Variants in SGCZ observed in about 807,000 individuals in gnomAD.
SGCZ encodes zeta-sarcoglycan.
Under a neutral mutation model 41.3 loss-of-function variants are expected in SGCZ, and 40 were observed. The observed-to-expected ratio is 0.97, with a 90% confidence interval of 0.75 to 1.26. The LOEUF is 1.26. Ranked by LOEUF, SGCZ falls within the 50% of genes most tolerant of loss-of-function variation. The pLI is 0.00. For missense variants in SGCZ, 552 were observed against 369.8 expected (o/e 1.49, Z -4.04); for synonymous variants, 206 against 137.5 (o/e 1.50, Z -3.49).
chr8:15,197,921 C>T (rs188853562), intron 1 of SGCZ, among the ~76,000 whole-genome samples: 2 of 150,608 alleles, frequency 1.3e-5, no homozygotes, highest in East Asian at 3.9e-4. Context: ...TATATAGATA[C>T]ACATACACCC....
chr8:14,257,754 T>C (rs1013443994), intron 3 of SGCZ, among the ~76,000 whole-genome samples: 2 of 152,016 alleles, frequency 1.3e-5, no homozygotes, highest in Non-Finnish European at 2.9e-5. Flanking sequence ...GTCCTTGCGA[T>C]AGTTTGCTGA....
chr8:14,709,684 A>C (rs964535801), intron 1 of SGCZ, among the ~76,000 whole-genome samples: 7 of 144,696 alleles, frequency 4.8e-5, no homozygotes, highest in African/African-American at 1.7e-4. Context: ...TTGCAAAATG[A>C]AAAAAAAAAG....
chr8:14,925,398 C>T (rs114139741), intron 1 of SGCZ, among the ~76,000 whole-genome samples: 2,220 of 152,180 alleles, frequency 0.015, 55 homozygotes, highest in African/African-American at 0.05. Flanking sequence ...AAGGAAAGGA[C>T]AATTGCATGC....
chr8:15,201,739 G>A (rs976088889), intron 1 of SGCZ, among the ~76,000 whole-genome samples: 1 of 152,092 alleles, frequency 6.6e-6, no homozygotes, highest in Non-Finnish European at 1.5e-5. Context: ...CATAGAAACT[G>A]AACCTACCCC....
At chr8:14,879,494 T>C (rs1247150794) in intron 1 of SGCZ, among the ~76,000 whole-genome samples, 2 of 152,052 alleles carry the variant, frequency 1.3e-5, no homozygotes, top group Non-Finnish European at 2.9e-5. Flanking sequence ...TCTTGGGAAG[T>C]ATCTCCTGAT....
At chr8:14,529,677 C>T (rs1259871252) in intron 2 of SGCZ, among the ~76,000 whole-genome samples, 5 of 152,050 alleles carry the variant, frequency 3.3e-5, no homozygotes, top group African/African-American at 4.8e-5. Flanking sequence ...ATCAGTGTTT[C>T]ATGAGATCTG....
intron 1 of SGCZ, among the ~76,000 whole-genome samples, chr8:15,111,909 A>C (rs1192841462): frequency 6.6e-6 from 1 of 151,772 alleles, no homozygotes; most frequent in East Asian, 1.9e-4. Flanking sequence ...CCAAAAAAAA[A>C]AAAAAATCCC....
At chr8:15,220,621 T>C (rs755323762) in intron 1 of SGCZ, among the ~76,000 whole-genome samples, 15 of 152,278 alleles carry the variant, frequency 9.9e-5, no homozygotes, top group South Asian at 2.1e-4. Flanking sequence ...CTCAAGGATC[T>C]AGAACTGGAA....
At chr8:14,767,156 T>A (rs1035357383) in intron 1 of SGCZ, among the ~76,000 whole-genome samples, 5 of 152,144 alleles carry the variant, frequency 3.3e-5, no homozygotes, top group Non-Finnish European at 5.9e-5. Flanking sequence ...TTGCCCAATG[T>A]GATGATGAGA....
At chr8:14,337,682 A>G (rs73664306) in intron 2 of SGCZ, among the ~76,000 whole-genome samples, 8 of 152,114 alleles carry the variant, frequency 5.3e-5, no homozygotes, top group Admixed American at 2.6e-4. Context: ...CCAAATGAGT[A>G]TGATCTATGG....
intron 1 of SGCZ, among the ~76,000 whole-genome samples, chr8:14,951,070 T>G (rs1585406137): frequency 6.6e-6 from 1 of 152,140 alleles, no homozygotes; most frequent in Non-Finnish European, 1.5e-5. Flanking sequence ...AGCCACATTA[T>G]TTTTAAAATC....
chr8:14,490,831 A>T (rs1473175270), intron 2 of SGCZ, among the ~76,000 whole-genome samples: 2 of 143,264 alleles, frequency 1.4e-5, no homozygotes, highest in East Asian at 4.1e-4. Flanking sequence ...CAAAAAAAAA[A>T]TCATTTTAAC....
chr8:14,398,262 C>T (rs997679984), intron 2 of SGCZ, among the ~76,000 whole-genome samples: 2 of 152,138 alleles, frequency 1.3e-5, no homozygotes, highest in Non-Finnish European at 2.9e-5. Flanking sequence ...ACTTAGTTTT[C>T]TCAGCTTTGA....
At chr8:14,333,851 G>T (rs1223782408) in intron 2 of SGCZ, among the ~76,000 whole-genome samples, 5 of 152,096 alleles carry the variant, frequency 3.3e-5, no homozygotes, top group Non-Finnish European at 7.4e-5. Context: ...TTAGCATGGA[G>T]TCTCAAAAAT....
At chr8:14,161,372 AG>A (rs1804040459) in intron 5 of SGCZ, 1 of 151,308 alleles carries the variant, frequency 6.6e-6, no homozygotes, top group Admixed American at 6.6e-5. Context: ...AGTCCTGGCA[AG>A]AATTAGTTTG....
At chr8:14,294,076 T>A (rs530347832) in intron 3 of SGCZ, among the ~76,000 whole-genome samples, 2 of 151,898 alleles carry the variant, frequency 1.3e-5, no homozygotes, top group Non-Finnish European at 2.9e-5. Context: ...CTGTAGCCAA[T>A]TATAATATAT....
chr8:14,958,076 G>A (rs942874339), intron 1 of SGCZ, among the ~76,000 whole-genome samples: 1 of 152,070 alleles, frequency 6.6e-6, no homozygotes, highest in Non-Finnish European at 1.5e-5. Flanking sequence ...TTTTACTCAT[G>A]AAAGAATAAT....
chr8:14,828,813 G>A (rs980918210), intron 1 of SGCZ, among the ~76,000 whole-genome samples: 3 of 152,162 alleles, frequency 2.0e-5, no homozygotes, highest in African/African-American at 7.2e-5. Flanking sequence ...CCATGCCCGA[G>A]AACATTTCAG....
intron 1 of SGCZ, among the ~76,000 whole-genome samples, chr8:14,809,622 A>G (rs1384112914): frequency 6.6e-6 from 1 of 152,128 alleles, no homozygotes; most frequent in Admixed American, 6.6e-5. Flanking sequence ...CAAATACTAG[A>G]CCCTCAATTG....
Sources: allele counts gnomAD v4.1 joint callset (sites outside exome capture counted in the v4.1 genomes callset), GRCh38; gene constraint gnomAD v4.1.1; transcripts MANE v1.5; gene names NCBI Gene and HGNC (gene_info 2026-07-23, HGNC 2026-07-21).